The following THSD4 variants were observed in gnomAD, a reference collection of about 807,000 sequenced individuals.
The protein encoded by THSD4 is thrombospondin type 1 domain containing 4.
Under a neutral mutation model 119.0 loss-of-function variants are expected in THSD4, and 69 were observed. The ratio of observed to expected loss-of-function variants is 0.58; its 90% CI spans 0.48 to 0.71. The LOEUF (loss-of-function observed/expected upper bound fraction) is 0.71, where lower values mean the gene tolerates loss of function less well. THSD4 is among the 30% of genes least tolerant of loss of function. The pLI is 0.00. For synonymous variants in THSD4, 524 were observed against 540.4 expected (o/e 0.97, Z 0.42); for missense variants, 1,393 against 1,391.1 (o/e 1.00, Z -0.02).
At chr15:71,600,736 TTTTC>T (rs1211154458) in intron 7 of THSD4, among the ~76,000 whole-genome samples, 5 of 150,052 alleles carry the variant, frequency 3.3e-5, no homozygotes, top group Non-Finnish European at 1.5e-5. Flanking sequence ...CTGTCTTTTT[TTTTC>T]TTTCTTTCTT....
intron 7 of THSD4, among the ~76,000 whole-genome samples, chr15:71,614,273 C>T (rs1459531646): frequency 6.6e-6 from 1 of 152,220 alleles, no homozygotes; most frequent in Non-Finnish European, 1.5e-5. Flanking sequence ...CCATTCCAGC[C>T]TGGATTCGGC....
At chr15:71,525,946 C>T (rs938842918) in intron 7 of THSD4, among the ~76,000 whole-genome samples, 5 of 152,078 alleles carry the variant, frequency 3.3e-5, no homozygotes, top group African/African-American at 9.7e-5. Flanking sequence ...TTCTAACACC[C>T]GACACACGCA....
intron 6 of THSD4, among the ~76,000 whole-genome samples, chr15:71,281,909 T>C (rs1477136607): frequency 6.6e-6 from 1 of 152,234 alleles, no homozygotes; most frequent in African/African-American, 2.4e-5. Flanking sequence ...TCCTTTGGCT[T>C]TGGCTCATGT....
At chr15:71,119,691 G>A (rs1187592542) in intron 1 of THSD4, among the ~76,000 whole-genome samples, 1 of 152,214 alleles carries the variant, frequency 6.6e-6, no homozygotes, top group African/African-American at 2.4e-5. Flanking sequence ...AGACCAGGGT[G>A]GGTTTGTTCA....
chr15:71,672,684 G>A (rs1238450101), intron 8 of THSD4, among the ~76,000 whole-genome samples: 1 of 152,142 alleles, frequency 6.6e-6, no homozygotes, highest in Non-Finnish European at 1.5e-5. Flanking sequence ...TTTATTGAGA[G>A]TTTTTAGCAT....
chr15:71,310,284 G>T (rs887202034), intron 6 of THSD4, among the ~76,000 whole-genome samples: 9 of 152,096 alleles, frequency 5.9e-5, no homozygotes, highest in African/African-American at 2.2e-4. Flanking sequence ...TTGAAAGGAT[G>T]CCTGGAACAT....
At chr15:71,406,633 A>C (rs1182601327) in intron 6 of THSD4, among the ~76,000 whole-genome samples, 2 of 128,092 alleles carry the variant, frequency 1.6e-5, no homozygotes, top group Non-Finnish European at 3.4e-5. Context: ...CAGTTCTCTC[A>C]GGTTTGTTTG....
At chr15:71,327,066 C>T (rs1007469093) in intron 6 of THSD4, among the ~76,000 whole-genome samples, 5 of 151,354 alleles carry the variant, frequency 3.3e-5, no homozygotes, top group African/African-American at 7.3e-5. Context: ...ACTCGGGATT[C>T]TGAGACGGGA....
chr15:71,411,638 T>C (rs1402069158), intron 6 of THSD4, 49 bp from the exon 7 acceptor site: 4 of 1,544,874 alleles, frequency 2.6e-6, no homozygotes, highest in Admixed American at 3.9e-5. Context: ...AGAGATGATA[T>C]TGCTTATACC....
chr15:71,768,267 C>CAAAAAAACCA, intron 16 of THSD4, among the ~76,000 whole-genome samples: 1 of 74,550 alleles, frequency 1.3e-5, no homozygotes, highest in South Asian at 4.5e-4. Flanking sequence ...AGTAGTCTCA[C>CAAAAAAACCA]AAAAAAAACC....
At chr15:71,706,731 G>A (rs528463016) in intron 8 of THSD4, among the ~76,000 whole-genome samples, 3 of 152,260 alleles carry the variant, frequency 2.0e-5, no homozygotes, top group South Asian at 2.1e-4. Flanking sequence ...TGCTACCAAC[G>A]TGACATCTGA....
intron 6 of THSD4, among the ~76,000 whole-genome samples, chr15:71,400,826 CA>C (rs907238846): frequency 4.9e-4 from 69 of 141,738 alleles, no homozygotes; most frequent in Non-Finnish European, 7.5e-4. Flanking sequence ...GTATATTCCA[CA>C]AAAAAAGAAA....
At chr15:71,146,895 A>G (rs1169541347) in intron 2 of THSD4, among the ~76,000 whole-genome samples, 2 of 152,108 alleles carry the variant, frequency 1.3e-5, no homozygotes, top group Admixed American at 6.5e-5. Flanking sequence ...TGTCCTCATC[A>G]CTCACTCCTT....
At chr15:71,586,019 A>C (rs2049662430) in intron 7 of THSD4, among the ~76,000 whole-genome samples, 1 of 152,078 alleles carries the variant, frequency 6.6e-6, no homozygotes, top group African/African-American at 2.4e-5. Flanking sequence ...TTTGTAGCTC[A>C]TTAACTTTAA....
At position 71,737,984 on chromosome 15, in the gene THSD4, A is replaced by T. The variant is rs1343717391; in HGVS notation, c.1883A>T (p.Glu628Val). The T allele has an allele frequency of 6.2e-7, 1 of 1,613,740 alleles. No homozygotes were observed. The highest frequency in any genetic ancestry group is 1.1e-5 in the South Asian group (1 of 91,018). ...AACTGGAAGCAGCTTGGGACAACAG[A>T]ATGTTCCACGACCTGTGGGAAAGGT... ...DHNWKQLGTT[E>V]CSTTCGKGSQ... The change falls in exon 11 of 18, where the codon GAA (glutamate) becomes GTA (valine). Residue 628 changes from glutamate to valine, a missense_variant. Physicochemically the swap from Glu to Val is moderately radical, Grantham distance 121. Coordinates refer to ENST00000261862, the MANE Select transcript of THSD4 (RefSeq NM_024817.3).
chr15:71,116,643 C>T (rs1393459992), intron 1 of THSD4, among the ~76,000 whole-genome samples: 2 of 152,194 alleles, frequency 1.3e-5, no homozygotes, highest in Non-Finnish European at 2.9e-5. Context: ...GGGTAGCAAT[C>T]ATTGGATGCC....
At chr15:71,306,763 G>C (rs1407157651) in intron 6 of THSD4, among the ~76,000 whole-genome samples, 1 of 152,170 alleles carries the variant, frequency 6.6e-6, no homozygotes, top group Non-Finnish European at 1.5e-5. Context: ...GAGAAGTCCT[G>C]CAGTTCAAAA....
At chr15:71,310,784 A>G (rs972291819) in intron 6 of THSD4, among the ~76,000 whole-genome samples, 6 of 152,200 alleles carry the variant, frequency 3.9e-5, no homozygotes, top group South Asian at 2.1e-4. Context: ...TCTGGTTTCT[A>G]TGACCCACCT....
intron 6 of THSD4, among the ~76,000 whole-genome samples, chr15:71,298,803 G>C (rs1196706127): frequency 6.6e-6 from 1 of 152,120 alleles, no homozygotes; most frequent in Non-Finnish European, 1.5e-5. Context: ...AGTAGAGACG[G>C]GGTTTTACTC....
Sources: gnomAD v4.1 joint callset for allele counts (sites outside exome capture counted in the v4.1 genomes callset) on GRCh38, gnomAD v4.1.1 for gene constraint, MANE v1.5 for transcripts, NCBI Gene and HGNC (gene_info 2026-07-23, HGNC 2026-07-21) for gene names.